The following TTC7B variants were observed in gnomAD, a reference collection of about 807,000 sequenced individuals.
TTC7B encodes tetratricopeptide repeat domain 7B, also known as tetratricopeptide repeat protein 7B.
A neutral mutation model predicts 106.8 loss-of-function variants in TTC7B; 28 were observed. The observed-to-expected ratio is 0.26, with a 90% CI of 0.19 to 0.36. The LOEUF (loss-of-function observed/expected upper bound fraction) is 0.36. TTC7B is among the 10% of genes least tolerant of loss of function. The probability of loss-of-function intolerance (pLI) is 1.00; values close to 1 mark genes in which losing one functional copy is unlikely to be tolerated. For synonymous variants in TTC7B, 405 were observed against 430.6 expected, an observed-to-expected ratio of 0.94 and a Z score of 0.74; for missense variants, 862 against 1,076.4, an observed-to-expected ratio of 0.80 and a Z score of 2.79.
intron 15 of TTC7B, among the ~76,000 whole-genome samples, chr14:90,641,362 C>T (rs532525081): frequency 6.6e-6 from 1 of 152,358 alleles, no homozygotes; most frequent in South Asian, 2.1e-4. Context: ...CAAGGCCTGA[C>T]TACCCATCAG....
At chr14:90,605,555 C>T in intron 17 of TTC7B, 1 of 1,220,526 alleles carries the variant, frequency 8.2e-7, no homozygotes, top group Non-Finnish European at 1.0e-6. Context: ...GTAAAACACG[C>T]AAATGAAGTA....
intron 17 of TTC7B, chr14:90,603,385 C>G: frequency 1.0e-6 from 1 of 979,472 alleles, no homozygotes; most frequent in South Asian, 1.4e-5. Context: ...AAAAAGCGAA[C>G]AGAGTTCTAA....
At chr14:90,564,301 C>T (rs1890699784) in intron 19 of TTC7B, among the ~76,000 whole-genome samples, 1 of 152,140 alleles carries the variant, frequency 6.6e-6, no homozygotes, top group Non-Finnish European at 1.5e-5. Context: ...ATCTTTTTCT[C>T]TGAATAAGTG....
intron 18 of TTC7B, among the ~76,000 whole-genome samples, chr14:90,590,698 A>G (rs551392827): frequency 6.6e-6 from 1 of 152,362 alleles, no homozygotes; most frequent in African/African-American, 2.4e-5. Context: ...CTGGCAGTGC[A>G]GTGGAAACTG....
chr14:90,701,415 G>A (rs1449454434), intron 5 of TTC7B, among the ~76,000 whole-genome samples: 2 of 152,074 alleles, frequency 1.3e-5, no homozygotes, highest in Non-Finnish European at 2.9e-5. Context: ...ACAGAGAGTG[G>A]CTTCTTGGAG....
intron 18 of TTC7B, among the ~76,000 whole-genome samples, chr14:90,586,980 C>T (rs1891742382): frequency 6.6e-6 from 1 of 152,208 alleles, no homozygotes; most frequent in East Asian, 1.9e-4. Flanking sequence ...CAACAAGTCC[C>T]ATCAGTTCTG....
At chr14:90,669,535 CAA>C (rs35000807) in intron 9 of TTC7B, among the ~76,000 whole-genome samples, 12 of 94,318 alleles carry the variant, frequency 1.3e-4, no homozygotes, top group African/African-American at 1.6e-4. Context: ...CTCGTCTCTA[CAA>C]AAAAAAAAAA....
At chr14:90,614,088 C>T (rs971193080) in intron 16 of TTC7B, among the ~76,000 whole-genome samples, 7 of 152,156 alleles carry the variant, frequency 4.6e-5, no homozygotes, top group African/African-American at 1.7e-4. Flanking sequence ...GTAAATATTG[C>T]ACCTAAAAGA....
chr14:90,767,092 A>G lies in TTC7B; in HGVS notation c.445+13646T>C, dbSNP rs547844021. 266 of 628,156 alleles carry G rather than the reference A, an allele frequency of 4.2e-4. 1 individual carries two copies. Among genetic ancestry groups the G allele is most frequent in the African/African-American group, 4.0e-3 (215 of 54,232 alleles). 38.9% of individuals were successfully genotyped at this position (628,156 alleles called of 1,614,324 possible). On this transcript the variant is annotated intron_variant, in intron 3 of 19. Coordinates refer to ENST00000328459, the MANE Select transcript of TTC7B (RefSeq NM_001010854.2). The stretch of plus-strand genomic sequence containing the variant: ...TTCTGGGCTGGGTGCAGTAGCTCAC[A>G]CCTGTAACTGCAGCACTTTGGGAGG...
intron 3 of TTC7B, among the ~76,000 whole-genome samples, chr14:90,749,288 A>G (rs1384465159): frequency 1.3e-5 from 2 of 152,184 alleles, no homozygotes; most frequent in African/African-American, 2.4e-5. Flanking sequence ...TTTATCTTCA[A>G]AAATGTTTAT....
chr14:90,554,668 T>C (rs1890228537), intron 19 of TTC7B, among the ~76,000 whole-genome samples: 2 of 152,190 alleles, frequency 1.3e-5, no homozygotes, highest in South Asian at 2.1e-4. Flanking sequence ...CAGTCATTCA[T>C]GTGTGTAGTC....
Position 90,813,672 on chromosome 14 carries a change from C to CTTTT in TTC7B, c.121+2499_121+2502dup, listed in dbSNP as rs374826647. On this transcript the variant is annotated intron_variant, in intron 1 of 19. Coordinates refer to ENST00000328459, the MANE Select transcript of TTC7B (RefSeq NM_001010854.2). Reference sequence around the variant, plus strand: ...TCTGGCTGGCTCCAAACACTGTATTCTTTTTTTTTTTTTTTCGCCTGTGGT... The same window carrying CTTTT: ...TCTGGCTGGCTCCAAACACTGTATTCTTTTTTTTTTTTTTTTTTTCGCCTGTGGT... Among the ~76,000 whole-genome samples the CTTTT allele has an allele frequency of 1.5e-4, 21 of 140,814 alleles. No individual in the cohort carries two copies. The East Asian group carries it at 2.5e-3, about 17-fold the overall frequency. The allele number at this position is 140,814 out of a possible 152,430, so 92.4% of individuals were successfully genotyped here.
chr14:90,702,805 G>A (rs1314706037), intron 5 of TTC7B, among the ~76,000 whole-genome samples: 1 of 152,164 alleles, frequency 6.6e-6, no homozygotes, highest in African/African-American at 2.4e-5. Flanking sequence ...CACCCTCCTG[G>A]GAAATGATGT....
At chr14:90,734,853 G>A (rs904206013) in intron 4 of TTC7B, among the ~76,000 whole-genome samples, 3 of 152,024 alleles carry the variant, frequency 2.0e-5, no homozygotes, top group East Asian at 1.9e-4. Flanking sequence ...GCACGATCTC[G>A]GCTCACTGCA....
At chr14:90,710,372 A>G (rs1230406823) in intron 5 of TTC7B, among the ~76,000 whole-genome samples, 1 of 152,240 alleles carries the variant, frequency 6.6e-6, no homozygotes, top group Non-Finnish European at 1.5e-5. Context: ...AAGTTTCTTG[A>G]AATGGAATCT....
intron 9 of TTC7B, among the ~76,000 whole-genome samples, chr14:90,666,760 T>C (rs1253511638): frequency 6.6e-6 from 1 of 152,226 alleles, no homozygotes; most frequent in Non-Finnish European, 1.5e-5. Flanking sequence ...GTTTTATTGC[T>C]TTGGCAAACA....
rs1462904934 is a variant in TTC7B at position 90,608,894 on chromosome 14, T to A, written c.1966+1848A>T. ...AGCTGGAAGGAAAGGGGGTCTGAATTTAGTGTGGCTGTTCTCACAGGATAC... is the reference window on the plus strand; with the variant it reads ...AGCTGGAAGGAAAGGGGGTCTGAATATAGTGTGGCTGTTCTCACAGGATAC... On this transcript the variant is annotated intron_variant, in intron 17 of 19. Coordinates refer to ENST00000328459, the MANE Select transcript of TTC7B (RefSeq NM_001010854.2). The surrounding 1 kb of genome is among the most constrained non-coding windows in gnomAD (Gnocchi z 5.1). 2.6e-5 allele frequency among the ~76,000 whole-genome samples: 4 copies of A among 152,258 alleles called. No homozygotes were observed. The South Asian group carries it at 6.2e-4, about 24-fold the overall frequency.
intron 17 of TTC7B, among the ~76,000 whole-genome samples, chr14:90,599,446 A>G (rs1368649725): frequency 1.3e-5 from 2 of 152,190 alleles, no homozygotes; most frequent in Admixed American, 1.3e-4. Context: ...GGACAGCCAC[A>G]TTACATGACG....
intron 3 of TTC7B, among the ~76,000 whole-genome samples, chr14:90,770,046 A>G (rs1436615370): frequency 6.6e-6 from 1 of 152,204 alleles, no homozygotes; most frequent in East Asian, 1.9e-4. Context: ...GCTACTCGGG[A>G]GGCTGAAGCA....
Sources: allele counts gnomAD v4.1 joint callset (sites outside exome capture counted in the v4.1 genomes callset), GRCh38; gene constraint gnomAD v4.1.1; non-coding constraint Gnocchi (gnomAD v3.1); transcripts MANE v1.5; gene names NCBI Gene and HGNC (gene_info 2026-07-23, HGNC 2026-07-21).